Variants in INPP4B observed in about 807,000 individuals in gnomAD.
INPP4B encodes inositol polyphosphate 4-phosphatase type II.
INPP4B carries 55 observed loss-of-function variants against 122.5 expected under a neutral mutation model. That is an observed-to-expected ratio of 0.45 (90% CI 0.36 to 0.56). The LOEUF is 0.56. INPP4B is among the 20% of genes least tolerant of loss of function. INPP4B has a pLI of 0.00. For synonymous variants in INPP4B, 403 were observed against 388.7 expected, an observed-to-expected ratio of 1.04 and a Z score of -0.43; for missense variants, 1,000 against 1,097.7, an observed-to-expected ratio of 0.91 and a Z score of 1.26.
rs535955632 is a variant in INPP4B at position 142,468,815 on chromosome 4, T to G, written c.-190-6089A>C. ...AAGCCAAATAAACCTCTTTTCTTTA[T>G]AAATAATCCAGCCTCAGGTGTTCTT... On this transcript the variant is annotated intron_variant, in intron 2 of 25. Transcript: ENST00000262992. 4.6e-5 allele frequency among the ~76,000 whole-genome samples: 7 copies of G among 152,272 alleles called. No homozygotes were observed. The South Asian group carries it at 1.5e-3, about 32-fold the overall frequency.
intron 2 of INPP4B, among the ~76,000 whole-genome samples, chr4:142,562,728 A>G (rs1730739081): frequency 1.3e-5 from 2 of 148,482 alleles, no homozygotes; most frequent in East Asian, 1.9e-4. Context: ...GAGAGATAAT[A>G]AAATAAAGAG....
chr4:142,594,509 T>C (rs1330992819), intron 2 of INPP4B, among the ~76,000 whole-genome samples: 1 of 152,184 alleles, frequency 6.6e-6, no homozygotes, highest in Admixed American at 6.5e-5. Context: ...GAAAGCAGCT[T>C]GCTCCAAATT....
chr4:142,554,188 CAAA>C (rs758209943), intron 2 of INPP4B, among the ~76,000 whole-genome samples: 1 of 97,200 alleles, frequency 1.0e-5, no homozygotes, highest in African/African-American at 3.8e-5. Flanking sequence ...AACTCCATCT[CAAA>C]AAAAAAAAAA....
intron 8 of INPP4B, among the ~76,000 whole-genome samples, chr4:142,312,795 T>C (rs1766034910): frequency 6.6e-6 from 1 of 152,138 alleles, no homozygotes; most frequent in South Asian, 2.1e-4. Context: ...GGAGAGAACC[T>C]GACAAGGGCC....
chr4:142,322,871 G>T (rs184086106), intron 7 of INPP4B, among the ~76,000 whole-genome samples: 1 of 152,248 alleles, frequency 6.6e-6, no homozygotes, highest in East Asian at 1.9e-4. Context: ...AATGTCCAAG[G>T]GAAGGACCCA....
In INPP4B at chr4:142,777,081, C is replaced by A. The variant is rs12510752; in HGVS notation, c.-253-51180G>T. Among the ~76,000 whole-genome samples, 862 of 152,268 alleles carry A rather than the reference C, an allele frequency of 5.7e-3. 4 individuals are homozygous for A. Among genetic ancestry groups the A allele is most frequent in the Middle Eastern group, 0.027 (8 of 294 alleles). On this transcript the variant is annotated intron_variant, in intron 1 of 25. Transcript: ENST00000262992. ...GCATGTCCAAAATTTGGTGGTCCTACCAGTCTGTGTTAAGGCAGTGGCTCA... is the reference window on the plus strand; with the variant it reads ...GCATGTCCAAAATTTGGTGGTCCTAACAGTCTGTGTTAAGGCAGTGGCTCA...
At chr4:142,508,158 G>A (rs568160051) in intron 2 of INPP4B, among the ~76,000 whole-genome samples, 1 of 152,246 alleles carries the variant, frequency 6.6e-6, no homozygotes, top group African/African-American at 2.4e-5. Context: ...GAGGGTAGGA[G>A]CCTAACTTCC....
intron 1 of INPP4B, among the ~76,000 whole-genome samples, chr4:142,800,073 C>G (rs928115491): frequency 1.1e-4 from 16 of 151,950 alleles, no homozygotes; most frequent in African/African-American, 3.4e-4. Context: ...ATTGGAAAAG[C>G]ATTATAATTT....
At chr4:142,173,523 C>A in intron 16 of INPP4B, 109 bp downstream of exon 16, 1 of 887,414 alleles carries the variant, frequency 1.1e-6, no homozygotes, top group East Asian at 2.6e-5. Context: ...TTTTAACCTA[C>A]TCTATTTTAC....
At chr4:142,784,763 A>G (rs942981588) in intron 1 of INPP4B, among the ~76,000 whole-genome samples, 1 of 152,090 alleles carries the variant, frequency 6.6e-6, no homozygotes, top group Non-Finnish European at 1.5e-5. Context: ...CAGAGAAAAG[A>G]GAAGAGTAAC....
intron 1 of INPP4B, among the ~76,000 whole-genome samples, chr4:142,819,787 C>T (rs6838663): frequency 0.31 from 47,656 of 151,932 alleles, 7,803 homozygotes; most frequent in African/African-American, 0.39. Context: ...CACACACACG[C>T]GCACACACAC....
rs978988427 is a variant in INPP4B at position 142,107,254 on chromosome 4, G to C, written c.2374+839C>G. Reference sequence around the variant, plus strand: ...AAGACATAAACACTCTGCCACCTGAGCTATTTCACACTAAATAACAGAATA... The same window carrying C: ...AAGACATAAACACTCTGCCACCTGACCTATTTCACACTAAATAACAGAATA... On this transcript the variant is annotated intron_variant, in intron 23 of 25. Coordinates refer to ENST00000262992, the MANE Select transcript of INPP4B (RefSeq NM_001101669.3). 2.0e-5 allele frequency among the ~76,000 whole-genome samples: 3 copies of C among 152,160 alleles called. No homozygotes were observed. In the East Asian group the frequency reaches 5.8e-4, roughly 29 times the overall value.
chr4:142,370,548 C>G (rs1397525210), intron 7 of INPP4B, among the ~76,000 whole-genome samples: 1 of 151,850 alleles, frequency 6.6e-6, no homozygotes, highest in African/African-American at 2.4e-5. Flanking sequence ...TATAGAAATA[C>G]TAAAGACTCT....
At chr4:142,760,578 A>G (rs974963519) in intron 1 of INPP4B, among the ~76,000 whole-genome samples, 2 of 152,178 alleles carry the variant, frequency 1.3e-5, no homozygotes, top group Non-Finnish European at 2.9e-5. Flanking sequence ...CTGAAAATTT[A>G]TACTTTCAAC....
intron 2 of INPP4B, among the ~76,000 whole-genome samples, chr4:142,688,241 T>G (rs1057372919): frequency 6.6e-6 from 1 of 152,168 alleles, no homozygotes; most frequent in East Asian, 1.9e-4. Context: ...ACTATTTCCT[T>G]GTCTTTCTAT....
intron 11 of INPP4B, among the ~76,000 whole-genome samples, chr4:142,243,153 G>T (rs564039329): frequency 6.6e-6 from 1 of 152,110 alleles, no homozygotes; most frequent in Non-Finnish European, 1.5e-5. Context: ...AAGATTAACC[G>T]TAACTGAAAG....
At chr4:142,263,297 C>T (rs1315510191) in intron 10 of INPP4B, among the ~76,000 whole-genome samples, 2 of 152,084 alleles carry the variant, frequency 1.3e-5, no homozygotes, top group African/African-American at 2.4e-5. Context: ...TTGGTTCCTA[C>T]TTATCCTTTC....
At chr4:142,494,944 G>A (rs1311254539) in intron 2 of INPP4B, among the ~76,000 whole-genome samples, 3 of 152,000 alleles carry the variant, frequency 2.0e-5, no homozygotes, top group South Asian at 2.1e-4. Flanking sequence ...GCATAAATTC[G>A]TGCAATGTCT....
chr4:142,328,631 T>C (rs1773332190), intron 7 of INPP4B, among the ~76,000 whole-genome samples: 1 of 152,208 alleles, frequency 6.6e-6, no homozygotes, highest in African/African-American at 2.4e-5. Context: ...ACTGTCTCAG[T>C]ATATTTTTTT....
Sources: gnomAD v4.1 joint callset for allele counts (sites outside exome capture counted in the v4.1 genomes callset) on GRCh38, gnomAD v4.1.1 for gene constraint, MANE v1.5 for transcripts, NCBI Gene and HGNC (gene_info 2026-07-23, HGNC 2026-07-21) for gene names.